ARHGAP24: variants seen among roughly 807,000 people sequenced by gnomAD.
ARHGAP24 encodes the protein rho GTPase-activating protein 24.
A neutral mutation model predicts 76.4 loss-of-function variants in ARHGAP24; 50 were observed. The observed-to-expected ratio is 0.65, with a 90% CI of 0.52 to 0.83. The LOEUF is 0.83. Ranked by LOEUF, ARHGAP24 falls within the 40% of genes least tolerant of loss-of-function variation. The pLI, the probability that ARHGAP24 is intolerant of heterozygous loss-of-function variation, is 0.00. For synonymous variants in ARHGAP24, 345 were observed against 323.3 expected, an observed-to-expected ratio of 1.07 and a Z score of -0.72; for missense variants, 930 against 914.2, an observed-to-expected ratio of 1.02 and a Z score of -0.22.
intron 2 of ARHGAP24, among the ~76,000 whole-genome samples, chr4:85,601,701 A>G (rs4693712): frequency 0.54 from 81,775 of 151,934 alleles, 23,262 homozygotes; most frequent in Non-Finnish European, 0.64. Context: ...GGCATTTTCT[A>G]TATGGAATGT....
At chr4:85,817,720 G>T (rs116721262) in intron 3 of ARHGAP24, among the ~76,000 whole-genome samples, 1 of 152,144 alleles carries the variant, frequency 6.6e-6, no homozygotes, top group Non-Finnish European at 1.5e-5. Flanking sequence ...TTTAACTGGG[G>T]TATTTAATAC....
chr4:85,794,517 T>C (rs2014912), intron 3 of ARHGAP24, among the ~76,000 whole-genome samples: 127,939 of 152,210 alleles, frequency 0.84, 53,875 homozygotes, highest in Middle Eastern at 0.88. Context: ...GAGTCTCACC[T>C]TGACCCCCAG....
intron 3 of ARHGAP24, among the ~76,000 whole-genome samples, chr4:85,909,584 C>A (rs1236868522): frequency 1.3e-5 from 2 of 152,100 alleles, no homozygotes; most frequent in Non-Finnish European, 2.9e-5. Flanking sequence ...CCCCAAACAG[C>A]GACTGGTTTA....
At chr4:85,675,384 A>G (rs1424124197) in intron 2 of ARHGAP24, among the ~76,000 whole-genome samples, 7 of 152,172 alleles carry the variant, frequency 4.6e-5, no homozygotes, top group Non-Finnish European at 1.0e-4. Flanking sequence ...GAGATTCAGC[A>G]TGTATTCTGC....
chr4:85,770,127 A>G (rs1261386952), intron 3 of ARHGAP24, among the ~76,000 whole-genome samples: 1 of 152,216 alleles, frequency 6.6e-6, no homozygotes, highest in Non-Finnish European at 1.5e-5. Context: ...TTGTGTGTCT[A>G]GGAACTTGTC....
At chr4:85,557,411 T>C (rs1726429120) in intron 1 of ARHGAP24, among the ~76,000 whole-genome samples, 1 of 152,220 alleles carries the variant, frequency 6.6e-6, no homozygotes, top group Admixed American at 6.5e-5. Context: ...CGTAGTTCTC[T>C]GTGTTGGTCT....
chr4:85,495,575 A>G (rs1723545368), intron 1 of ARHGAP24, among the ~76,000 whole-genome samples: 1 of 151,798 alleles, frequency 6.6e-6, no homozygotes, highest in Non-Finnish European at 1.5e-5. Flanking sequence ...ATGGGTCTCA[A>G]TCTCCTTACC....
At chr4:85,952,909 T>C (rs953774338) in intron 5 of ARHGAP24, among the ~76,000 whole-genome samples, 7 of 152,216 alleles carry the variant, frequency 4.6e-5, no homozygotes, top group African/African-American at 1.7e-4. Context: ...AATTAAAACA[T>C]AACTTTTTAT....
chr4:85,645,104 G>C (rs765433087), intron 2 of ARHGAP24, among the ~76,000 whole-genome samples: 5 of 152,156 alleles, frequency 3.3e-5, no homozygotes, highest in African/African-American at 1.2e-4. Flanking sequence ...GTGGACATCT[G>C]TTCATTTTTA....
chr4:85,882,847 C>T (rs1016794370), intron 3 of ARHGAP24, among the ~76,000 whole-genome samples: 6 of 152,094 alleles, frequency 3.9e-5, no homozygotes, highest in African/African-American at 7.2e-5. Context: ...AAGAACCAAA[C>T]AGGACCTAAA....
At chr4:85,523,121 A>G (rs981117687) in intron 1 of ARHGAP24, among the ~76,000 whole-genome samples, 1 of 152,192 alleles carries the variant, frequency 6.6e-6, no homozygotes, top group African/African-American at 2.4e-5. Context: ...CTGGGAACAA[A>G]AAACCCATGC....
chr4:85,584,465 T>C (rs557620121), intron 2 of ARHGAP24, among the ~76,000 whole-genome samples: 2 of 140,448 alleles, frequency 1.4e-5, no homozygotes, highest in Admixed American at 1.4e-4. Context: ...GGGGGAGGGA[T>C]AGCATTAGGA....
chr4:85,961,005 C>G (rs1481298093), intron 5 of ARHGAP24, among the ~76,000 whole-genome samples: 2 of 152,036 alleles, frequency 1.3e-5, no homozygotes, highest in African/African-American at 4.8e-5. Context: ...AAAAAACTTG[C>G]CTCTTCTCAA....
rs574061670 is a variant in ARHGAP24 at position 86,000,796 on chromosome 4, C to T, written c.*74C>T. ...ATTCTGGTGGGATATGACTTAGAAC[C>T]AGGTGGCTGGTCACCTGGATGTACA... On this transcript the variant is annotated 3_prime_UTR_variant, in exon 10 of 10. Transcript: ENST00000395184. 2.0e-4 allele frequency: 328 copies of T among 1,604,524 alleles called. 1 individual carries two copies. Among genetic ancestry groups the T allele is most frequent in the Non-Finnish European group, 1.4e-4 (168 of 1,174,486 alleles).
intron 2 of ARHGAP24, among the ~76,000 whole-genome samples, chr4:85,695,570 A>G (rs948448041): frequency 9.8e-5 from 15 of 152,306 alleles, no homozygotes; most frequent in African/African-American, 2.4e-4. Flanking sequence ...GTGATTATCA[A>G]TGAAGGATTT....
chr4:85,791,521 C>T (rs567541608), intron 3 of ARHGAP24, among the ~76,000 whole-genome samples: 17 of 152,182 alleles, frequency 1.1e-4, no homozygotes, highest in Non-Finnish European at 2.5e-4. Flanking sequence ...TTATATCTCT[C>T]CCCTCCTTTA....
chr4:85,940,564 T>C (rs1000151363), intron 4 of ARHGAP24, among the ~76,000 whole-genome samples: 1 of 152,106 alleles, frequency 6.6e-6, no homozygotes, highest in Non-Finnish European at 1.5e-5. Context: ...ACAATGGAAA[T>C]GTCAAGGGAG....
At chr4:85,527,785 G>A (rs1725070355) in intron 1 of ARHGAP24, among the ~76,000 whole-genome samples, 2 of 152,056 alleles carry the variant, frequency 1.3e-5, no homozygotes, top group African/African-American at 4.8e-5. Flanking sequence ...CTTTCCTTCT[G>A]TATTTTAAAT....
chr4:85,843,425 A>T (rs1730709826), intron 3 of ARHGAP24, among the ~76,000 whole-genome samples: 1 of 152,138 alleles, frequency 6.6e-6, no homozygotes, highest in Non-Finnish European at 1.5e-5. Flanking sequence ...CAGGAGAGGC[A>T]AAGTCAACTC....
Sources: gnomAD v4.1 joint callset for allele counts (sites outside exome capture counted in the v4.1 genomes callset) on GRCh38, gnomAD v4.1.1 for gene constraint, MANE v1.5 for transcripts, NCBI Gene and HGNC (gene_info 2026-07-23, HGNC 2026-07-21) for gene names.